The following USP24 variants were observed in gnomAD, a reference collection of about 807,000 sequenced individuals.
The protein encoded by USP24 is ubiquitin carboxyl-terminal hydrolase 24.
Under a neutral mutation model 361.6 loss-of-function variants are expected in USP24, and 97 were observed. That is an observed-to-expected ratio of 0.27 (90% confidence interval 0.23 to 0.32). The LOEUF is 0.32. Among genes scored for constraint, USP24 ranks in the 10% least tolerant of loss-of-function variants. The pLI, the probability that USP24 is intolerant of heterozygous loss-of-function variation, is 1.00. For missense variants in USP24, 2,353 were observed against 3,165.6 expected (o/e 0.74, Z 6.16); for synonymous variants, 1,098 against 1,124.6 (o/e 0.98, Z 0.47).
At chr1:55,154,612 C>A (rs1408364973) in intron 13 of USP24, 59 bp downstream of exon 13, 3 of 1,523,972 alleles carry the variant, frequency 2.0e-6, no homozygotes, top group African/African-American at 2.8e-5. Flanking sequence ...GTATTCAGGA[C>A]CTCAAAAGAG....
intron 5 of USP24, 117 bp from the exon 6 acceptor site, chr1:55,166,720 A>G (rs1021439730): frequency 1.9e-6 from 2 of 1,054,344 alleles, no homozygotes; most frequent in Non-Finnish European, 2.7e-6. Context: ...TTTGGAAACT[A>G]TTTTCAAAGT....
At chr1:55,143,214 C>A in intron 21 of USP24, 95 bp from the exon 22 acceptor site, 1 of 872,118 alleles carries the variant, frequency 1.1e-6, no homozygotes, top group Non-Finnish European at 1.7e-6. Flanking sequence ...TGAGTCCACA[C>A]CTCTTCAGTT....
intron 53 of USP24, 74 bp from the exon 54 acceptor site, chr1:55,092,200 T>TTATGATACACACACAATATATGAA (rs1645392572): frequency 2.1e-6 from 2 of 952,144 alleles, no homozygotes; most frequent in Non-Finnish European, 3.2e-6. Flanking sequence ...ACGAACTAAA[T>TTATGATACACACACAATATATGAA]TATGATACAC....
In USP24 at chr1:55,096,624, T is replaced by A; in HGVS notation, c.5937-2A>T. The stretch of plus-strand genomic sequence containing the variant: ...TACCACTTTCCTTTTCCACACCCTC[T>A]AGAACCCAGAGATCAGACAAACATT... On this transcript the variant is annotated splice_acceptor_variant, in intron 49 of 67. Transcript: ENST00000294383. LOFTEE classifies it high-confidence loss of function. The A allele has an allele frequency of 6.2e-7, 1 of 1,603,792 alleles. No individual in the cohort carries two copies. Among genetic ancestry groups the A allele is most frequent in the Non-Finnish European group, 8.5e-7 (1 of 1,177,378 alleles).
chr1:55,088,324 T>C (rs1645297264), intron 55 of USP24, among the ~76,000 whole-genome samples: 1 of 152,194 alleles, frequency 6.6e-6, no homozygotes, highest in Non-Finnish European at 1.5e-5. Flanking sequence ...GGAAGAGACT[T>C]GCGTTTCTGA....
chr1:55,167,224 A>C (rs1257706104), intron 5 of USP24, among the ~76,000 whole-genome samples: 1 of 152,214 alleles, frequency 6.6e-6, no homozygotes, highest in Non-Finnish European at 1.5e-5. Context: ...AGGCCTCGAA[A>C]GAAAAATAGG....
At chr1:55,192,818 A>C (rs189987007) in intron 1 of USP24, among the ~76,000 whole-genome samples, 119 of 152,342 alleles carry the variant, frequency 7.8e-4, no homozygotes, top group African/African-American at 2.8e-3. Context: ...GTATGAATAC[A>C]TTGTGTCTGA....
At chr1:55,090,964 A>G (rs1645361780) in intron 54 of USP24, among the ~76,000 whole-genome samples, 1 of 152,170 alleles carries the variant, frequency 6.6e-6, no homozygotes, top group Non-Finnish European at 1.5e-5. Context: ...GCACGCCCAT[A>G]GTCCAGCTAC....
intron 1 of USP24, among the ~76,000 whole-genome samples, chr1:55,208,180 C>G (rs1395176349): frequency 1.3e-5 from 2 of 152,194 alleles, no homozygotes; most frequent in Non-Finnish European, 2.9e-5. Flanking sequence ...ACTTCTCACA[C>G]ATAACACACA....
At position 55,066,716 on chromosome 1, in the gene USP24, C is replaced by G. The variant is rs1454818139; in HGVS notation, c.*2329G>C. On this transcript the variant is annotated 3_prime_UTR_variant, in exon 68 of 68. Transcript: ENST00000294383. ...CTTGTTTTCTTTCCCAGGATGCCTT[C>G]AACGGGCAGAATCGGCCATCTTAAG... The G allele has an allele frequency of 6.6e-6, 1 of 152,178 alleles. No individual in the cohort carries two copies. Among genetic ancestry groups the G allele is most frequent in the South Asian group, 2.1e-4 (1 of 4,830 alleles). The allele number at this position is 152,178 out of a possible 1,614,324, so 9.4% of individuals were successfully genotyped here. A position where few individuals can be genotyped will look rare whatever the true frequency, so the allele number is the denominator to read the frequency against.
At chr1:55,199,620 T>TAGAGAGAGA (rs1644513183) in intron 1 of USP24, among the ~76,000 whole-genome samples, 1 of 96,384 alleles carries the variant, frequency 1.0e-5, no homozygotes, top group African/African-American at 3.4e-5. Flanking sequence ...TGTGTGTGTG[T>TAGAGAGAGA]GTGAGAGAGA....
chr1:55,190,434 A>G (rs1169332698), intron 1 of USP24, among the ~76,000 whole-genome samples: 1 of 152,188 alleles, frequency 6.6e-6, no homozygotes, highest in Non-Finnish European at 1.5e-5. Context: ...TTTTAAGTAG[A>G]GCCTGTCCTT....
chr1:55,166,535 T>C lies in USP24; in HGVS notation c.861+33A>G, dbSNP rs764827161. On this transcript the variant is annotated intron_variant, in intron 6 of 67. Transcript: ENST00000294383. ...ACGTCTCATTAGAAAATTGAAAATA[T>C]GCTACATGACAATATTAACAAAAGT... The C allele has an allele frequency of 4.5e-6, 7 of 1,559,982 alleles. No individual in the cohort carries two copies. In the South Asian group the frequency reaches 7.2e-5, roughly 16 times the overall value.
chr1:55,101,858 C>T (rs1215684029), intron 42 of USP24, among the ~76,000 whole-genome samples, 155 bp from the exon 43 acceptor site: 1 of 152,162 alleles, frequency 6.6e-6, no homozygotes, highest in Admixed American at 6.5e-5. Context: ...TCATGAAGTA[C>T]CTCTGCAGAT....
Position 55,068,842 on chromosome 1 carries a change from G to A in USP24, c.*203C>T, listed in dbSNP as rs752896503. ...TCCCGGGACAGCTGATCCACATGCC[G>A]GAGTTCTCCCACTGCCAAACAGCTC... On this transcript the variant is annotated 3_prime_UTR_variant, in exon 68 of 68. Transcript: ENST00000294383. 7.0e-6 allele frequency: 4 copies of A among 574,708 alleles called. No homozygotes were observed. The highest frequency in any genetic ancestry group is 2.9e-5 in the East Asian group (1 of 34,896). 35.6% of individuals were successfully genotyped at this position (574,708 alleles called of 1,614,324 possible).
rs1046738933 is a variant in USP24, at chr1:55,139,111, C to A, written c.2751-101G>T. 5.7e-6 allele frequency: 6 copies of A among 1,058,380 alleles called. No homozygotes were observed. In the African/African-American group the frequency reaches 8.0e-5, roughly 14 times the overall value. 65.6% of individuals were successfully genotyped at this position (1,058,380 alleles called of 1,614,324 possible). On this transcript the variant is annotated intron_variant, in intron 24 of 67. Coordinates refer to ENST00000294383, the MANE Select transcript of USP24 (RefSeq NM_015306.3). ...CAAAACCACAATAACAGTTAGCACT[C>A]ACTGGTCAAAGACTGAAATTTGCAA...
At chr1:55,144,465 A>C (rs1245135172) in intron 20 of USP24, among the ~76,000 whole-genome samples, 2 of 152,250 alleles carry the variant, frequency 1.3e-5, no homozygotes, top group African/African-American at 4.8e-5. Context: ...CTATCTGATA[A>C]GGAGCTAGTA....
rs900627717 is a variant in USP24, at chr1:55,137,611, A to G, written c.3105T>C (p.Ser1035=). ...SDEQILTVKT[S]GSGTPSGSSA... ...AACTCCCAGATGGGGTCCCACTGCC[A>G]GAAGTCTTCACTGTAAGGATTTGTT... is the stretch of plus-strand genomic sequence containing the variant. The change falls in exon 28 of 68, where the codon TCT becomes TCC. Residue 1035 remains serine, a synonymous_variant. Coordinates refer to ENST00000294383, the MANE Select transcript of USP24 (RefSeq NM_015306.3). The G allele has an allele frequency of 1.9e-6, 3 of 1,613,388 alleles. No homozygotes were observed. Among genetic ancestry groups the G allele is most frequent in the African/African-American group, 2.7e-5 (2 of 75,032 alleles).
At chr1:55,144,100 A>T in intron 21 of USP24, 27 bp downstream of exon 21, 1 of 1,558,184 alleles carries the variant, frequency 6.4e-7, no homozygotes, top group Non-Finnish European at 8.7e-7. Context: ...TATCCAAACT[A>T]TCTAGATTTG....
Sources: gnomAD v4.1 joint callset for allele counts (sites outside exome capture counted in the v4.1 genomes callset) on GRCh38, gnomAD v4.1.1 for gene constraint, MANE v1.5 for transcripts, NCBI Gene and HGNC (gene_info 2026-07-23, HGNC 2026-07-21) for gene names.